The following TMEM144 variants were observed in gnomAD, a reference collection of about 807,000 sequenced individuals.
The protein encoded by TMEM144 is transmembrane protein 144.
Under a neutral mutation model 43.6 loss-of-function variants are expected in TMEM144, and 39 were observed. The ratio of observed to expected loss-of-function variants is 0.90; its 90% confidence interval spans 0.69 to 1.17. The LOEUF (loss-of-function observed/expected upper bound fraction) is 1.17, where lower values mean the gene tolerates loss of function less well. Among genes scored for constraint, TMEM144 ranks in the 50% most tolerant of loss-of-function variants. The pLI is 0.00. For missense variants in TMEM144, 417 were observed against 411.9 expected (o/e 1.01, Z -0.11); for synonymous variants, 154 against 133.6 (o/e 1.15, Z -1.06).
At chr4:158,243,188 T>A (rs934282263) in intron 11 of TMEM144, among the ~76,000 whole-genome samples, 1 of 152,234 alleles carries the variant, frequency 6.6e-6, no homozygotes, top group African/African-American at 2.4e-5. Context: ...TCTCATTCTG[T>A]TGAAAGTCAG....
chr4:158,236,490 C>T (rs143596149), intron 8 of TMEM144, among the ~76,000 whole-genome samples: 2 of 152,206 alleles, frequency 1.3e-5, no homozygotes, highest in East Asian at 1.9e-4. Context: ...GGACGCTCCA[C>T]GGCTATGAAG....
At chr4:158,241,369 A>T (rs1002620273) in intron 10 of TMEM144, 140 bp from the exon 11 acceptor site, 8 of 677,584 alleles carry the variant, frequency 1.2e-5, no homozygotes, top group Non-Finnish European at 2.1e-5. Context: ...ACAATAAAAC[A>T]CAGCTCAAAA....
In TMEM144 at chr4:158,253,483, A is replaced by C; in HGVS notation, c.994A>C (p.Ile332Leu). Residue 332 changes from isoleucine to leucine, a missense_variant, in exon 13 of 13, where the codon ATC (isoleucine) becomes CTC (leucine). Transcript: ENST00000296529. ...CCTATTAATGATACTTGCATTTTGC[A>C]TCATCTTGACTGGAGCCTTATGCAC... Reference protein sequence around the residue: ...NYLLMILAFCIILTGALCTAF... With the variant: ...NYLLMILAFCLILTGALCTAF... 6.2e-7 allele frequency: 1 copy of C among 1,613,892 alleles called. No individual in the cohort carries two copies. The highest frequency in any genetic ancestry group is 8.5e-7 in the Non-Finnish European group (1 of 1,179,890).
At chr4:158,244,248 G>A in intron 11 of TMEM144, 48 bp from the exon 12 acceptor site, 1 of 1,365,262 alleles carries the variant, frequency 7.3e-7, no homozygotes, top group Non-Finnish European at 1.0e-6. Flanking sequence ...ATAGAATCTA[G>A]TCATAGGTAA....
chr4:158,237,050 C>T (rs913978153), intron 8 of TMEM144, among the ~76,000 whole-genome samples: 5 of 152,124 alleles, frequency 3.3e-5, no homozygotes, highest in East Asian at 1.9e-4. Context: ...TAGGCAAGTT[C>T]GTGGATTTCA....
At chr4:158,212,830 C>G (rs1560818363) in intron 3 of TMEM144, 54 bp downstream of exon 3, 1 of 1,345,922 alleles carries the variant, frequency 7.4e-7, no homozygotes, top group Non-Finnish European at 1.1e-6. Flanking sequence ...AATGAAGTTC[C>G]TTTTTTGGTC....
At chr4:158,218,951 A>G (rs1367523412) in intron 5 of TMEM144, among the ~76,000 whole-genome samples, 6 of 151,986 alleles carry the variant, frequency 3.9e-5, no homozygotes, top group African/African-American at 1.2e-4. Flanking sequence ...TGTCTCTACT[A>G]AAAATACAAA....
intron 12 of TMEM144, among the ~76,000 whole-genome samples, chr4:158,249,750 A>G (rs1215581721): frequency 6.6e-6 from 1 of 152,202 alleles, no homozygotes; most frequent in Non-Finnish European, 1.5e-5. Context: ...ATACGTGGAA[A>G]TCACCTTAGT....
At chr4:158,244,256 T>A (rs757577335) in intron 11 of TMEM144, 40 bp from the exon 12 acceptor site, 1 of 1,427,762 alleles carries the variant, frequency 7.0e-7, no homozygotes, top group South Asian at 1.3e-5. Context: ...TAGTCATAGG[T>A]AAATATCCAA....
At chr4:158,235,036 C>G in intron 7 of TMEM144, 1 of 154,144 alleles carries the variant, frequency 6.5e-6, no homozygotes, top group East Asian at 1.9e-4. Context: ...GTTTTATTAA[C>G]TAATTTAGTA....
intron 5 of TMEM144, 126 bp downstream of exon 5, chr4:158,217,546 A>G: frequency 3.1e-6 from 2 of 644,174 alleles, no homozygotes. Context: ...TAAAACATAC[A>G]CATCATATAT....
chr4:158,222,708 A>G (rs943731618), intron 6 of TMEM144, among the ~76,000 whole-genome samples: 3 of 152,220 alleles, frequency 2.0e-5, no homozygotes, highest in Admixed American at 6.5e-5. Context: ...ACTTTCATAT[A>G]TAGTGTTTTA....
intron 9 of TMEM144, 23 bp downstream of exon 9, chr4:158,237,666 C>A: frequency 6.9e-7 from 1 of 1,443,084 alleles, no homozygotes; most frequent in Non-Finnish European, 9.7e-7. Context: ...AGTTATCTTA[C>A]TTTATTAATA....
intron 11 of TMEM144, among the ~76,000 whole-genome samples, chr4:158,243,520 T>G (rs890069485): frequency 3.9e-5 from 6 of 152,154 alleles, no homozygotes; most frequent in Non-Finnish European, 8.8e-5. Flanking sequence ...ACAATACACC[T>G]TCTCCACAAA....
At position 158,244,350 on chromosome 4, in the gene TMEM144, G is replaced by GTATGTACAAGAAAGGGCAGACT. The variant is rs1426065469; in HGVS notation, c.954+4_954+25dup. ...TATCTTCATGTTTAAGGAAATAAAG[G>GTATGTACAAGAAAGGGCAGACT]TATGTACAAGAAAGGGCAGACTTAG... On this transcript the variant is annotated splice_donor_variant, in intron 12 of 12. Coordinates refer to ENST00000296529, the MANE Select transcript of TMEM144 (RefSeq NM_018342.5). LOFTEE classifies it high-confidence loss of function. The GTATGTACAAGAAAGGGCAGACT allele has an allele frequency of 2.5e-6, 4 of 1,608,994 alleles. No individual in the cohort carries two copies. The African/African-American group carries it at 4.0e-5, about 16-fold the overall frequency.
intron 6 of TMEM144, among the ~76,000 whole-genome samples, chr4:158,228,575 C>T (rs1467982686): frequency 6.6e-6 from 1 of 152,142 alleles, no homozygotes; most frequent in Non-Finnish European, 1.5e-5. Flanking sequence ...CCACACACTG[C>T]TCTGGTGAGG....
intron 2 of TMEM144, chr4:158,212,208 C>A (rs1017507184): frequency 2.0e-5 from 3 of 152,212 alleles, no homozygotes; most frequent in African/African-American, 7.2e-5. Flanking sequence ...TATTCAGTGG[C>A]CTTTTCCAAA....
chr4:158,235,530 C>G (rs1305655162), intron 8 of TMEM144, 25 bp downstream of exon 8: 14 of 1,587,612 alleles, frequency 8.8e-6, no homozygotes, highest in Non-Finnish European at 1.2e-5. Flanking sequence ...CTTCTTTGCT[C>G]TATTACTCTG....
chr4:158,235,308 C>A, intron 7 of TMEM144, 130 bp from the exon 8 acceptor site: 2 of 864,256 alleles, frequency 2.3e-6, no homozygotes, highest in South Asian at 2.1e-5. Flanking sequence ...TATCAGAATG[C>A]ATAGGTGACA....
Sources: gnomAD v4.1 joint callset for allele counts (sites outside exome capture counted in the v4.1 genomes callset) on GRCh38, gnomAD v4.1.1 for gene constraint, MANE v1.5 for transcripts, NCBI Gene and HGNC (gene_info 2026-07-23, HGNC 2026-07-21) for gene names.